Variants in SNX25 observed in about 807,000 individuals in gnomAD.
The protein encoded by SNX25 is sorting nexin 25.
Under a neutral mutation model 113.7 loss-of-function variants are expected in SNX25, and 62 were observed. The observed-to-expected ratio is 0.55, with a 90% CI of 0.44 to 0.67. The LOEUF is 0.67. Among genes scored for constraint, SNX25 ranks in the 30% least tolerant of loss-of-function variants. The pLI is 0.00. For synonymous variants in SNX25, 421 were observed against 436.2 expected (o/e 0.97, Z 0.43); for missense variants, 1,014 against 1,161.0 (o/e 0.87, Z 1.84).
chr4:185,300,356 A>T (rs1753475646), intron 6 of SNX25, among the ~76,000 whole-genome samples: 1 of 145,812 alleles, frequency 6.9e-6, no homozygotes, highest in Non-Finnish European at 1.5e-5. Context: ...TTTAGTAGAG[A>T]TGGGGTTTCA....
intron 7 of SNX25, among the ~76,000 whole-genome samples, chr4:185,316,420 C>T (rs979913173): frequency 6.6e-6 from 1 of 152,182 alleles, no homozygotes; most frequent in Non-Finnish European, 1.5e-5. Flanking sequence ...CATGTATCTA[C>T]CTCCAAAGCC....
At chr4:185,357,849 C>G in intron 16 of SNX25, 112 bp downstream of exon 16, 1 of 913,282 alleles carries the variant, frequency 1.1e-6, no homozygotes, top group African/African-American at 1.7e-5. Context: ...TTAATTTTCT[C>G]TCACTTTTCG....
chr4:185,332,770 G>T lies in SNX25; in HGVS notation c.1914+11G>T. 1 of 1,610,198 alleles carries T rather than the reference G, an allele frequency of 6.2e-7. No individual in the cohort carries two copies. Among genetic ancestry groups the T allele is most frequent in the Non-Finnish European group, 8.5e-7 (1 of 1,178,264 alleles). ...AAACCTGACAAGAAGGTAACTCTTT[G>T]CTTTCAAGGTTGTCTTTGAAAGTTA... On this transcript the variant is annotated intron_variant, in intron 10 of 18. Transcript: ENST00000652585.
At chr4:185,288,517 T>A (rs961627570) in intron 6 of SNX25, among the ~76,000 whole-genome samples, 8 of 151,700 alleles carry the variant, frequency 5.3e-5, no homozygotes, top group Admixed American at 2.0e-4. Context: ...AGCTTTTTTT[T>A]AAGGAATTAT....
chr4:185,360,498 A>C (rs988662960), intron 16 of SNX25, among the ~76,000 whole-genome samples: 1 of 152,196 alleles, frequency 6.6e-6, no homozygotes, highest in Non-Finnish European at 1.5e-5. Context: ...ATTGAATTTG[A>C]AATTTGAGGT....
At chr4:185,314,564 C>G (rs2095055501) in intron 7 of SNX25, among the ~76,000 whole-genome samples, 1 of 151,916 alleles carries the variant, frequency 6.6e-6, no homozygotes, top group South Asian at 2.1e-4. Flanking sequence ...AAAACTGATT[C>G]AAAAAGAAAT....
In SNX25 at chr4:185,210,090, C is replaced by T. The variant is rs1398177656; in HGVS notation, c.264C>T (p.Ser88=). ...SGEAAGAAGL[S]SVLFRLSLYL... is the part of the protein sequence containing the mutation. ...AGGCGGCGGGGGCCGCGGGGCTGAG[C>T]TCCGTCCTGTTCAGGCTCAGCCTGT... Residue 88 remains serine (S), a synonymous_variant, in exon 1 of 19, where the codon AGC becomes AGT. Coordinates refer to ENST00000652585, the MANE Select transcript of SNX25 (RefSeq NM_001378034.2). This position sits in a 1 kb window ranked among gnomAD's most constrained non-coding sequence, Gnocchi z 4.4. 2.0e-6 allele frequency: 2 copies of T among 980,866 alleles called. No individual in the cohort carries two copies. Among genetic ancestry groups the T allele is most frequent in the Non-Finnish European group, 1.2e-6 (1 of 826,464 alleles). 60.8% of individuals were successfully genotyped at this position (980,866 alleles called of 1,614,324 possible). A position where few individuals can be genotyped will look rare whatever the true frequency, so the allele number is the denominator to read the frequency against.
chr4:185,271,832 C>G (rs1748973940), intron 5 of SNX25, among the ~76,000 whole-genome samples: 1 of 152,124 alleles, frequency 6.6e-6, no homozygotes, highest in Non-Finnish European at 1.5e-5. Context: ...AAAACAAACA[C>G]AAAAAACCTT....
intron 1 of SNX25, among the ~76,000 whole-genome samples, chr4:185,245,892 A>T (rs1398164925): frequency 6.6e-6 from 1 of 151,796 alleles, no homozygotes. Context: ...GTTACTTCCA[A>T]TTTTTTTTGC....
chr4:185,322,276 C>T (rs748025864), intron 8 of SNX25, among the ~76,000 whole-genome samples: 1 of 152,074 alleles, frequency 6.6e-6, no homozygotes, highest in Non-Finnish European at 1.5e-5. Flanking sequence ...ACTAAAAATA[C>T]AAAAATTAGC....
At chr4:185,266,939 C>T (rs1450145109) in intron 4 of SNX25, 30 bp from the exon 5 acceptor site, 1 of 1,595,690 alleles carries the variant, frequency 6.3e-7, no homozygotes, top group Non-Finnish European at 8.5e-7. Context: ...GAATACCTTT[C>T]TCAGTGGCTA....
rs2095217643 is a variant in SNX25 at position 185,334,615 on chromosome 4, A to G, written c.1914+1856A>G. On this transcript the variant is annotated intron_variant, in intron 10 of 18. Coordinates refer to ENST00000652585, the MANE Select transcript of SNX25 (RefSeq NM_001378034.2). This position sits in a 1 kb window ranked among gnomAD's most constrained non-coding sequence, Gnocchi z 4.2. ...GTCTTATTTATTCTGGATTCATCTCATTATAAATTAAAATGCATCTATGGG... is the reference window on the plus strand; with the variant it reads ...GTCTTATTTATTCTGGATTCATCTCGTTATAAATTAAAATGCATCTATGGG... 6.6e-6 allele frequency among the ~76,000 whole-genome samples: 1 copy of G among 152,248 alleles called. No individual in the cohort carries two copies. The highest frequency in any genetic ancestry group is 1.5e-5 in the Non-Finnish European group (1 of 68,042).
intron 2 of SNX25, among the ~76,000 whole-genome samples, chr4:185,252,957 A>C (rs1423937685): frequency 6.6e-6 from 1 of 152,222 alleles, no homozygotes; most frequent in Non-Finnish European, 1.5e-5. Flanking sequence ...GTTCAGATCT[A>C]ATATGAATGA....
At chr4:185,313,164 A>G (rs1032127919) in intron 7 of SNX25, among the ~76,000 whole-genome samples, 1 of 152,246 alleles carries the variant, frequency 6.6e-6, no homozygotes, top group Non-Finnish European at 1.5e-5. Context: ...AAGGCAAGGC[A>G]GTTATATGTT....
At chr4:185,244,562 A>T (rs1744557050) in intron 1 of SNX25, among the ~76,000 whole-genome samples, 1 of 152,216 alleles carries the variant, frequency 6.6e-6, no homozygotes, top group Admixed American at 6.5e-5. Flanking sequence ...AAATTTCAAT[A>T]AAATCTAGAC....
chr4:185,323,899 C>T (rs1045301048), intron 9 of SNX25, 99 bp downstream of exon 9: 3 of 1,268,878 alleles, frequency 2.4e-6, no homozygotes, highest in Non-Finnish European at 3.3e-6. Context: ...TGCACATCTT[C>T]ATCTTTTAAT....
At chr4:185,368,939 A>G (rs1168373089), downstream of SNX25, among the ~76,000 whole-genome samples, 2 of 151,574 alleles carry the variant, frequency 1.3e-5, no homozygotes, top group Non-Finnish European at 2.9e-5. Context: ...GACTATGGAC[A>G]TGCGTTACCA....
rs568458958 is a variant in SNX25 at position 185,266,023 on chromosome 4, A to G, written c.905-946A>G. Among the ~76,000 whole-genome samples the G allele has an allele frequency of 1.1e-4, 16 of 152,338 alleles. No homozygotes were observed. The South Asian group carries it at 3.3e-3, about 32-fold the overall frequency. Reference sequence around the variant, plus strand: ...GTTAACTATATCCAGGGAAATGCTTAGTCAGGATAAGAGAAACTTTCCCTA... The same window carrying G: ...GTTAACTATATCCAGGGAAATGCTTGGTCAGGATAAGAGAAACTTTCCCTA... On this transcript the variant is annotated intron_variant, in intron 4 of 18. Coordinates refer to ENST00000652585, the MANE Select transcript of SNX25 (RefSeq NM_001378034.2).
intron 10 of SNX25, among the ~76,000 whole-genome samples, chr4:185,338,765 G>A (rs536542963): frequency 3.9e-5 from 6 of 152,154 alleles, no homozygotes; most frequent in East Asian, 1.9e-4. Context: ...GAATGGTCTC[G>A]ACACCCTTGT....
Sources: gnomAD v4.1 joint callset for allele counts (sites outside exome capture counted in the v4.1 genomes callset) on GRCh38, gnomAD v4.1.1 for gene constraint, Gnocchi (gnomAD v3.1) non-coding constraint, MANE v1.5 for transcripts, NCBI Gene and HGNC (gene_info 2026-07-23, HGNC 2026-07-21) for gene names.